The following SCN11A variants were observed in gnomAD, a reference collection of about 807,000 sequenced individuals.
SCN11A encodes the protein sodium voltage-gated channel alpha subunit 11.
SCN11A carries 122 observed loss-of-function variants against 162.2 expected under a neutral mutation model. The ratio of observed to expected loss-of-function variants is 0.75; its 90% CI spans 0.65 to 0.87. SCN11A has a LOEUF of 0.87. Among genes scored for constraint, SCN11A ranks in the 40% least tolerant of loss-of-function variants. The pLI is 0.00. For missense variants in SCN11A, 2,015 were observed against 2,181.6 expected (o/e 0.92, Z 1.52); for synonymous variants, 758 against 751.5 (o/e 1.01, Z -0.14).
At chr3:39,001,120 T>A (rs548219308) in intron 2 of SCN11A, among the ~76,000 whole-genome samples, 1 of 150,198 alleles carries the variant, frequency 6.7e-6, no homozygotes, top group African/African-American at 2.4e-5. Context: ...CCTAAACTCA[T>A]TTTTTTAGTG....
chr3:38,930,819 C>T (rs550906263), intron 7 of SCN11A, among the ~76,000 whole-genome samples: 1 of 152,270 alleles, frequency 6.6e-6, no homozygotes, highest in South Asian at 2.1e-4. Flanking sequence ...ATCCACTGTT[C>T]ATCCAAAACT....
At chr3:38,997,977 T>C (rs2030694671) in intron 2 of SCN11A, among the ~76,000 whole-genome samples, 1 of 152,330 alleles carries the variant, frequency 6.6e-6, no homozygotes, top group East Asian at 1.9e-4. Context: ...ATTTTAAAAA[T>C]AAATGTATTA....
At chr3:38,948,353 A>T (rs1175970129) in intron 5 of SCN11A, among the ~76,000 whole-genome samples, 1 of 152,206 alleles carries the variant, frequency 6.6e-6, no homozygotes, top group Admixed American at 6.5e-5. Context: ...TATTTTAACT[A>T]ATGGTGTATT....
At chr3:38,971,226 C>T (rs1472086536) in intron 2 of SCN11A, among the ~76,000 whole-genome samples, 1 of 151,986 alleles carries the variant, frequency 6.6e-6, no homozygotes, top group Non-Finnish European at 1.5e-5. Flanking sequence ...ATAATCATAG[C>T]TCCCCGCAGC....
rs573606370 is a variant in SCN11A, at chr3:38,941,711, T to C, written c.488+3700A>G. On this transcript the variant is annotated intron_variant, in intron 7 of 29. Transcript: ENST00000302328. Reference sequence around the variant, plus strand: ...TAAAGCTAAAAGGCCAGCAGAGGATTAAAATGAAATACTAAATATACATGA... The same window carrying C: ...TAAAGCTAAAAGGCCAGCAGAGGATCAAAATGAAATACTAAATATACATGA... 1.9e-3 allele frequency among the ~76,000 whole-genome samples: 290 copies of C among 151,740 alleles called. 2 individuals carry two copies. Among genetic ancestry groups the C allele is most frequent in the African/African-American group, 6.4e-3 (263 of 41,376 alleles).
rs192531042 is a variant in SCN11A at position 38,979,028 on chromosome 3, C to T, written c.-279-18605G>A. On this transcript the variant is annotated intron_variant, in intron 2 of 29. Coordinates refer to ENST00000302328, the MANE Select transcript of SCN11A (RefSeq NM_001349253.2). ...ATCCTCTCTACCTCAGGCCTCAGGG[C>T]GCTGTGGGTCTCTCCTTCATAGCAC... Among the ~76,000 whole-genome samples the T allele has an allele frequency of 9.8e-4, 149 of 152,320 alleles. 1 individual carries two copies. In the Middle Eastern group the frequency reaches 0.01, roughly 10 times the overall value.
intron 19 of SCN11A, among the ~76,000 whole-genome samples, chr3:38,889,632 T>C (rs2065460711): frequency 6.7e-6 from 1 of 150,042 alleles, no homozygotes; most frequent in Admixed American, 6.6e-5. Context: ...ACCCCATCTC[T>C]ACTAAAAATA....
intron 23 of SCN11A, among the ~76,000 whole-genome samples, chr3:38,878,581 T>C (rs1472471236): frequency 6.6e-6 from 1 of 152,246 alleles, no homozygotes; most frequent in Non-Finnish European, 1.5e-5. Context: ...ATTTGCTCTC[T>C]AGAAATTAAT....
intron 22 of SCN11A, among the ~76,000 whole-genome samples, chr3:38,881,499 G>T (rs563623496): frequency 6.6e-6 from 1 of 152,286 alleles, no homozygotes; most frequent in South Asian, 2.1e-4. Context: ...CTGCAATTGA[G>T]CTTCAGAGGC....
At chr3:39,026,287 T>G (rs982201155) in intron 2 of SCN11A, among the ~76,000 whole-genome samples, 1 of 152,242 alleles carries the variant, frequency 6.6e-6, no homozygotes, top group African/African-American at 2.4e-5. Flanking sequence ...GAAGGTTCAC[T>G]TTCTGAAAAT....
At position 39,004,293 on chromosome 3, in the gene SCN11A, C is replaced by T. The variant is rs557798618; in HGVS notation, c.-280+28087G>A. Among the ~76,000 whole-genome samples, 290 of 152,230 alleles carry T rather than the reference C, an allele frequency of 1.9e-3. 2 individuals are homozygous for T. The highest frequency in any genetic ancestry group is 6.3e-3 in the African/African-American group (263 of 41,532). Reference sequence around the variant, plus strand: ...TGAATAGGGAGTCTTTCTCTCAATCCTTACTTTTGTCAGCTTTGTCAAAAA... The same window carrying T: ...TGAATAGGGAGTCTTTCTCTCAATCTTTACTTTTGTCAGCTTTGTCAAAAA... On this transcript the variant is annotated intron_variant, in intron 2 of 29. Coordinates refer to ENST00000302328, the MANE Select transcript of SCN11A (RefSeq NM_001349253.2).
At chr3:39,002,221 T>G (rs1249198315) in intron 2 of SCN11A, among the ~76,000 whole-genome samples, 1 of 152,216 alleles carries the variant, frequency 6.6e-6, no homozygotes, top group African/African-American at 2.4e-5. Context: ...TAATAACTTT[T>G]GAAATTTGGC....
At chr3:38,972,724 G>A (rs1236952712) in intron 2 of SCN11A, among the ~76,000 whole-genome samples, 6 of 152,016 alleles carry the variant, frequency 3.9e-5, no homozygotes, top group Non-Finnish European at 8.8e-5. Context: ...GTAAGACACA[G>A]TTTCTGCCTT....
At chr3:39,037,077 T>C (rs888494735) in intron 1 of SCN11A, among the ~76,000 whole-genome samples, 1 of 152,226 alleles carries the variant, frequency 6.6e-6, no homozygotes, top group Admixed American at 6.5e-5. Context: ...TCAACCTAAG[T>C]GTTCATCAAC....
At chr3:39,013,123 A>G (rs912346540) in intron 2 of SCN11A, among the ~76,000 whole-genome samples, 14 of 152,362 alleles carry the variant, frequency 9.2e-5, no homozygotes, top group African/African-American at 3.4e-4. Flanking sequence ...AAAGAGCATT[A>G]ACAGAGATGA....
chr3:38,905,121 G>A, intron 15 of SCN11A, 71 bp downstream of exon 15: 12 of 1,597,590 alleles, frequency 7.5e-6, no homozygotes, highest in Non-Finnish European at 1.0e-5. Flanking sequence ...GCTTCTAGGG[G>A]ATTGGGAAGA....
chr3:39,039,522 C>G (rs902382452), intron 1 of SCN11A, among the ~76,000 whole-genome samples: 8 of 152,128 alleles, frequency 5.3e-5, no homozygotes, highest in Non-Finnish European at 1.0e-4. Flanking sequence ...GGTCATTCCA[C>G]CATGCCCATA....
At chr3:39,018,115 C>T in intron 2 of SCN11A, among the ~76,000 whole-genome samples, 1 of 152,238 alleles carries the variant, frequency 6.6e-6, no homozygotes. Context: ...AGGGACTACC[C>T]AGTGCCCTGG....
chr3:38,994,725 C>T (rs149855123), intron 2 of SCN11A, among the ~76,000 whole-genome samples: 45 of 152,100 alleles, frequency 3.0e-4, no homozygotes, highest in African/African-American at 9.6e-4. Context: ...TTTCTATGGA[C>T]GAAGTGGGAG....
Sources: gnomAD v4.1 joint callset for allele counts (sites outside exome capture counted in the v4.1 genomes callset) on GRCh38, gnomAD v4.1.1 for gene constraint, MANE v1.5 for transcripts, NCBI Gene and HGNC (gene_info 2026-07-23, HGNC 2026-07-21) for gene names.